PLPP4: variants seen among roughly 807,000 people sequenced by gnomAD.
The protein encoded by PLPP4 is phospholipid phosphatase 4.
Under a neutral mutation model 32.2 loss-of-function variants are expected in PLPP4, and 20 were observed. That is an observed-to-expected ratio of 0.62 (90% CI 0.44 to 0.90). The LOEUF (loss-of-function observed/expected upper bound fraction) is 0.90, where lower values mean the gene tolerates loss of function less well. Ranked by LOEUF, PLPP4 falls within the 40% of genes least tolerant of loss-of-function variation. PLPP4 has a pLI of 0.00. For missense variants in PLPP4, 257 were observed against 353.1 expected (o/e 0.73, Z 2.18); for synonymous variants, 127 against 133.0 (o/e 0.95, Z 0.31).
At chr10:120,487,654 G>A (rs1223309769) in intron 1 of PLPP4, among the ~76,000 whole-genome samples, 1 of 152,176 alleles carries the variant, frequency 6.6e-6, no homozygotes, top group East Asian at 1.9e-4. Context: ...GTATAATTCA[G>A]CACCTGGAAT....
At position 120,586,778 on chromosome 10, in the gene PLPP4, C is replaced by T. The variant is rs139380626; in HGVS notation, c.617-2525C>T. 2.4e-3 allele frequency among the ~76,000 whole-genome samples: 369 copies of T among 152,270 alleles called. 2 individuals are homozygous for T. Among genetic ancestry groups the T allele is most frequent in the African/African-American group, 7.9e-3 (330 of 41,556 alleles). On this transcript the variant is annotated intron_variant, in intron 6 of 6. Coordinates refer to ENST00000398250, the MANE Select transcript of PLPP4 (RefSeq NM_001030059.3). ...TCCAGCATTAAACATTAAACAATCGCACAATTTGTCATTGTTCGCCACTCT... is the reference window on the plus strand; with the variant it reads ...TCCAGCATTAAACATTAAACAATCGTACAATTTGTCATTGTTCGCCACTCT...
In PLPP4 at chr10:120,461,355, G is replaced by C. The variant is rs1028725860; in HGVS notation, c.56+3994G>C. ...CTCTGTATTTACAAGATTGCAGAAAGGACCCTAGAAAGATGATGACGATCT... is the reference window on the plus strand; with the variant it reads ...CTCTGTATTTACAAGATTGCAGAAACGACCCTAGAAAGATGATGACGATCT... On this transcript the variant is annotated intron_variant, in intron 1 of 6. Coordinates refer to ENST00000398250, the MANE Select transcript of PLPP4 (RefSeq NM_001030059.3). Among the ~76,000 whole-genome samples, 10 of 152,336 alleles carry C rather than the reference G, an allele frequency of 6.6e-5. No individual in the cohort carries two copies. The East Asian group carries it at 1.4e-3, about 21-fold the overall frequency.
chr10:120,526,576 C>T (rs1458673733), intron 5 of PLPP4, among the ~76,000 whole-genome samples: 2 of 152,118 alleles, frequency 1.3e-5, no homozygotes, highest in African/African-American at 4.8e-5. Context: ...CGTAGGTGCT[C>T]ACAGGTCAGT....
chr10:120,491,039 C>T (rs1389736726), intron 1 of PLPP4, among the ~76,000 whole-genome samples: 1 of 152,090 alleles, frequency 6.6e-6, no homozygotes, highest in African/African-American at 2.4e-5. Flanking sequence ...TGTCCTGGTG[C>T]GGGGTATACA....
chr10:120,474,993 T>C (rs1179218770), intron 1 of PLPP4, among the ~76,000 whole-genome samples: 3 of 152,196 alleles, frequency 2.0e-5, no homozygotes, highest in Non-Finnish European at 4.4e-5. Flanking sequence ...TTGAGTATTT[T>C]ATGTGTTGAA....
chr10:120,477,254 A>G (rs1211188907), intron 1 of PLPP4, among the ~76,000 whole-genome samples: 1 of 150,122 alleles, frequency 6.7e-6, no homozygotes, highest in Non-Finnish European at 1.5e-5. Flanking sequence ...AAAAGAAAAG[A>G]AAAAAAACCT....
intron 5 of PLPP4, among the ~76,000 whole-genome samples, chr10:120,569,750 T>G (rs1334408073): frequency 6.6e-6 from 1 of 152,214 alleles, no homozygotes; most frequent in East Asian, 1.9e-4. Context: ...CCAGGTATAT[T>G]TGTAAAATGA....
At chr10:120,490,383 A>G (rs1844662506) in intron 1 of PLPP4, among the ~76,000 whole-genome samples, 2 of 152,244 alleles carry the variant, frequency 1.3e-5, no homozygotes, top group South Asian at 4.1e-4. Flanking sequence ...TTTTGGGACA[A>G]AAATGAGGGC....
intron 5 of PLPP4, among the ~76,000 whole-genome samples, chr10:120,545,042 G>C (rs1399894007): frequency 6.6e-6 from 1 of 152,234 alleles, no homozygotes; most frequent in Non-Finnish European, 1.5e-5. Flanking sequence ...CTTTGAGAAG[G>C]CATTGCTGAT....
At chr10:120,558,534 G>A (rs1021543193) in intron 5 of PLPP4, among the ~76,000 whole-genome samples, 2 of 151,518 alleles carry the variant, frequency 1.3e-5, no homozygotes, top group Middle Eastern at 3.4e-3. Context: ...TCCTGCCTGA[G>A]CCTCCTGAGT....
At chr10:120,505,279 G>T (rs1181361487) in intron 2 of PLPP4, among the ~76,000 whole-genome samples, 4 of 152,242 alleles carry the variant, frequency 2.6e-5, no homozygotes, top group Admixed American at 2.6e-4. Context: ...GTTGGGGGCA[G>T]AGTGTCTGGG....
chr10:120,525,886 A>C (rs11199378), intron 5 of PLPP4, among the ~76,000 whole-genome samples: 65,404 of 151,820 alleles, frequency 0.43, 15,037 homozygotes, highest in East Asian at 0.58. Context: ...GTCCACAATG[A>C]TGTACCTTAC....
chr10:120,580,126 A>G (rs1849426033), intron 6 of PLPP4, among the ~76,000 whole-genome samples: 2 of 150,258 alleles, frequency 1.3e-5, no homozygotes, highest in South Asian at 4.2e-4. Context: ...AAAAAAAAAA[A>G]AAAAAAAAAA....
intron 6 of PLPP4, among the ~76,000 whole-genome samples, chr10:120,576,012 A>G (rs1352526873): frequency 6.6e-6 from 1 of 152,144 alleles, no homozygotes; most frequent in Non-Finnish European, 1.5e-5. Flanking sequence ...TCCAGGAAGC[A>G]TGGGGTCTAG....
chr10:120,482,781 G>A (rs10788096), intron 1 of PLPP4, among the ~76,000 whole-genome samples: 68,958 of 151,546 alleles, frequency 0.46, 15,849 homozygotes, highest in East Asian at 0.69. Flanking sequence ...GCATGGTGGC[G>A]GGTGCCTGTA....
Position 120,518,820 on chromosome 10 carries a change from T to G in PLPP4, c.257-13T>G, listed in dbSNP as rs775789612. ...AGCTTGCTATTTTTCTGTCTGTTGG[T>G]TTTGTTTTGTAGCGGTGTCCTTGGC... On this transcript the variant is annotated splice_polypyrimidine_tract_variant and intron_variant, in intron 3 of 6. Coordinates refer to ENST00000398250, the MANE Select transcript of PLPP4 (RefSeq NM_001030059.3). The G allele has an allele frequency of 6.2e-7, 1 of 1,609,618 alleles. No individual in the cohort carries two copies. Among genetic ancestry groups the G allele is most frequent in the Non-Finnish European group, 8.5e-7 (1 of 1,177,654 alleles).
intron 5 of PLPP4, among the ~76,000 whole-genome samples, chr10:120,544,346 G>A (rs186883789): frequency 1.3e-5 from 2 of 152,316 alleles, no homozygotes; most frequent in African/African-American, 2.4e-5. Flanking sequence ...CATCTTCTCT[G>A]CCTGGGAGAC....
intron 5 of PLPP4, among the ~76,000 whole-genome samples, chr10:120,551,409 A>G (rs1297597910): frequency 1.2e-4 from 18 of 152,218 alleles, no homozygotes; most frequent in Admixed American, 1.2e-3. Flanking sequence ...ACATACATTC[A>G]TAAAAGGTCT....
chr10:120,548,732 C>T (rs1248335433), intron 5 of PLPP4, among the ~76,000 whole-genome samples: 1 of 152,028 alleles, frequency 6.6e-6, no homozygotes, highest in East Asian at 1.9e-4. Flanking sequence ...ACCTCGCCAA[C>T]ATCTGTTATT....
Sources: allele counts gnomAD v4.1 joint callset (sites outside exome capture counted in the v4.1 genomes callset), GRCh38; gene constraint gnomAD v4.1.1; transcripts MANE v1.5; gene names NCBI Gene and HGNC (gene_info 2026-07-23, HGNC 2026-07-21).